The following TMPRSS3 variants were observed in gnomAD, a reference collection of about 807,000 sequenced individuals.
The protein encoded by TMPRSS3 is transmembrane serine protease 3.
A neutral mutation model predicts 59.6 loss-of-function variants in TMPRSS3; 55 were observed. The ratio of observed to expected loss-of-function variants is 0.92; its 90% CI spans 0.74 to 1.16. The LOEUF is 1.16. Ranked by LOEUF, TMPRSS3 falls within the 50% of genes most tolerant of loss-of-function variation. TMPRSS3 has a pLI of 0.00. For synonymous variants in TMPRSS3, 257 were observed against 237.7 expected, an observed-to-expected ratio of 1.08 and a Z score of -0.75; for missense variants, 596 against 579.4, an observed-to-expected ratio of 1.03 and a Z score of -0.29.
At chr21:42,375,962 T>C (rs1251794908) in intron 11 of TMPRSS3, 94 bp from the exon 12 acceptor site, 2 of 1,544,300 alleles carry the variant, frequency 1.3e-6, no homozygotes, top group African/African-American at 2.7e-5. Flanking sequence ...CTGCTTGCTA[T>C]GGAGTTGGGA....
At chr21:42,375,054 C>T (rs1335116329) in intron 12 of TMPRSS3, among the ~76,000 whole-genome samples, 1 of 152,072 alleles carries the variant, frequency 6.6e-6, no homozygotes, top group African/African-American at 2.4e-5. Flanking sequence ...AGAAAGGCGC[C>T]GTGTTCACCT....
chr21:42,395,543 G>A, intron 1 of TMPRSS3, 75 bp from the exon 2 acceptor site: 1 of 849,330 alleles, frequency 1.2e-6, no homozygotes, highest in Non-Finnish European at 2.0e-6. Flanking sequence ...TGGTCATACG[G>A]TAAATCTTTG....
intron 6 of TMPRSS3, among the ~76,000 whole-genome samples, chr21:42,385,025 C>T (rs2052602886): frequency 6.6e-6 from 1 of 151,130 alleles, no homozygotes. Context: ...TCCTTTTACC[C>T]TCCCTCTCTT....
intron 7 of TMPRSS3, 165 bp from the exon 8 acceptor site, chr21:42,383,363 G>C: frequency 1.4e-6 from 1 of 740,442 alleles, no homozygotes; most frequent in Non-Finnish European, 2.3e-6. Context: ...CAGCAGGGGA[G>C]GTGGTCAGGC....
At chr21:42,389,334 C>T (rs960958068) in intron 3 of TMPRSS3, among the ~76,000 whole-genome samples, 9 of 152,148 alleles carry the variant, frequency 5.9e-5, no homozygotes, top group African/African-American at 2.2e-4. Context: ...AACTGCATGG[C>T]GGGGGGCCGA....
chr21:42,387,980 G>C (rs975992689), intron 5 of TMPRSS3, among the ~76,000 whole-genome samples: 1 of 152,208 alleles, frequency 6.6e-6, no homozygotes, highest in Admixed American at 6.5e-5. Context: ...TTCAACAATT[G>C]GTTCTGTGGG....
intron 9 of TMPRSS3, chr21:42,381,778 A>G: frequency 1.8e-6 from 1 of 552,554 alleles, no homozygotes; most frequent in Non-Finnish European, 3.3e-6. Context: ...CTACATTTAA[A>G]CAGGGTAACA....
At chr21:42,392,640 C>T (rs755249697) in intron 2 of TMPRSS3, among the ~76,000 whole-genome samples, 6 of 152,304 alleles carry the variant, frequency 3.9e-5, no homozygotes, top group Admixed American at 2.0e-4. Context: ...AGCCCATCTG[C>T]GGTGGTGAGC....
In TMPRSS3 at chr21:42,388,759, C is replaced by T. The variant is rs901209981; in HGVS notation, c.322+170G>A. ...AGAGAGCCAGAGCTCCATGGAAGGCCCTCCCTGACCCCCCAGCCCAACATG... is the reference window on the plus strand; with the variant it reads ...AGAGAGCCAGAGCTCCATGGAAGGCTCTCCCTGACCCCCCAGCCCAACATG... On this transcript the variant is annotated intron_variant, in intron 4 of 12. Transcript: ENST00000644384. The surrounding 1 kb of genome is among the most constrained non-coding windows in gnomAD (Gnocchi z 5.1). 6.6e-6 allele frequency among the ~76,000 whole-genome samples: 1 copy of T among 151,438 alleles called. No homozygotes were observed. The highest frequency in any genetic ancestry group is 1.5e-5 in the Non-Finnish European group (1 of 67,610).
chr21:42,390,723 C>T (rs183946114), intron 2 of TMPRSS3, among the ~76,000 whole-genome samples: 139 of 152,160 alleles, frequency 9.1e-4, no homozygotes, highest in African/African-American at 3.0e-3. Context: ...AGCAAAACTC[C>T]GTCTCCAAAA....
intron 6 of TMPRSS3, 98 bp from the exon 7 acceptor site, chr21:42,384,111 C>T: frequency 1.8e-6 from 2 of 1,105,704 alleles, no homozygotes; most frequent in Non-Finnish European, 1.3e-6. Flanking sequence ...AAAATAAATT[C>T]TATTTCCCCC....
chr21:42,380,021 C>A, intron 10 of TMPRSS3, 96 bp downstream of exon 10: 1 of 1,035,106 alleles, frequency 9.7e-7, no homozygotes, highest in East Asian at 2.5e-5. Context: ...CTGGGCAGCC[C>A]ATGGGAACAT....
Position 42,372,391 on chromosome 21 carries a change from C to T in TMPRSS3, c.*371G>A, listed in dbSNP as rs775421153. 1.3e-4 allele frequency: 60 copies of T among 470,294 alleles called. No individual in the cohort carries two copies. Among genetic ancestry groups the T allele is most frequent in the South Asian group, 6.7e-4 (43 of 64,614 alleles). 29.1% of individuals were successfully genotyped at this position (470,294 alleles called of 1,614,324 possible). On this transcript the variant is annotated 3_prime_UTR_variant, in exon 13 of 13. Coordinates refer to ENST00000644384, the MANE Select transcript of TMPRSS3 (RefSeq NM_001256317.3). ...CCTGGCCAACATGGTGAAACCCTGT[C>T]TCTACTAAAAATACAAAAATTAGTT...
rs115032694 is a variant in TMPRSS3 at position 42,379,687 on chromosome 21, T to G, written c.1048+430A>C. On this transcript the variant is annotated intron_variant, in intron 10 of 12. Coordinates refer to ENST00000644384, the MANE Select transcript of TMPRSS3 (RefSeq NM_001256317.3). ...TTATTACAGCGATCTCATCTGCTGC[T>G]GCTTCCACTTGCTCTTTGTAGGATG... Among the ~76,000 whole-genome samples the G allele has an allele frequency of 6.2e-3, 948 of 152,288 alleles. 10 individuals are homozygous for G. Among genetic ancestry groups the G allele is most frequent in the African/African-American group, 0.02 (825 of 41,552 alleles).
intron 9 of TMPRSS3, 61 bp from the exon 10 acceptor site, chr21:42,380,273 T>G: frequency 7.3e-7 from 1 of 1,377,138 alleles, no homozygotes; most frequent in Non-Finnish European, 1.0e-6. Context: ...GAAAACAATC[T>G]CATCTATGCT....
At position 42,375,758 on chromosome 21, in the gene TMPRSS3, G is replaced by C. The variant is rs1459415939; in HGVS notation, c.1302C>G (p.Thr434=). The stretch of plus-strand genomic sequence containing the variant: ...TCCAGTCCAGGAAGGAGGTGACACG[G>C]GTGTACACCCCAGGCTTGTTCACCT... ...CAEVNKPGVY[T]RVTSFLDWIH... is the part of the protein sequence containing the mutation. Residue 434 remains threonine (T), a synonymous_variant, in exon 12 of 13, where the codon ACC becomes ACG. Coordinates refer to ENST00000644384, the MANE Select transcript of TMPRSS3 (RefSeq NM_001256317.3). 1 of 1,613,622 alleles carries C rather than the reference G, an allele frequency of 6.2e-7. No individual in the cohort carries two copies. The highest frequency in any genetic ancestry group is 1.3e-5 in the African/African-American group (1 of 74,896).
At chr21:42,384,695 G>C (rs1601525819) in intron 6 of TMPRSS3, among the ~76,000 whole-genome samples, 1 of 152,202 alleles carries the variant, frequency 6.6e-6, no homozygotes, top group African/African-American at 2.4e-5. Flanking sequence ...GGGTCCCGGG[G>C]TGCTTATTCA....
chr21:42,374,535 C>A (rs113570781), intron 12 of TMPRSS3, among the ~76,000 whole-genome samples: 13 of 152,306 alleles, frequency 8.5e-5, no homozygotes, highest in African/African-American at 3.1e-4. Context: ...GGTCTTTGAG[C>A]CTTGGAGACA....
chr21:42,374,074 C>T (rs553680949), intron 12 of TMPRSS3, among the ~76,000 whole-genome samples: 3 of 152,292 alleles, frequency 2.0e-5, no homozygotes, highest in Non-Finnish European at 2.9e-5. Flanking sequence ...TCTGTGCCCA[C>T]GCGACCCTTC....
Sources: gnomAD v4.1 joint callset for allele counts (sites outside exome capture counted in the v4.1 genomes callset) on GRCh38, gnomAD v4.1.1 for gene constraint, Gnocchi (gnomAD v3.1) non-coding constraint, MANE v1.5 for transcripts, NCBI Gene and HGNC (gene_info 2026-07-23, HGNC 2026-07-21) for gene names.